The following DYM variants were observed in gnomAD, a reference collection of about 807,000 sequenced individuals.
DYM encodes the protein dymeclin, also known as dyggve-Melchior-Clausen syndrome protein.
In DYM, 78 loss-of-function variants were observed where a neutral mutation model predicts 93.1. That is an observed-to-expected ratio of 0.84 (90% CI 0.70 to 1.01). The LOEUF (loss-of-function observed/expected upper bound fraction) is 1.01, where lower values mean the gene tolerates loss of function less well. Among genes scored for constraint, DYM ranks in the 50% least tolerant of loss-of-function variants. The pLI is 0.00. For synonymous variants in DYM, 321 were observed against 319.7 expected (o/e 1.00, Z -0.04); for missense variants, 789 against 845.0 (o/e 0.93, Z 0.82).
intron 3 of DYM, among the ~76,000 whole-genome samples, chr18:49,380,735 C>A (rs2147720981): frequency 6.6e-6 from 1 of 152,320 alleles, no homozygotes; most frequent in South Asian, 2.1e-4. Context: ...GTAGAACCTT[C>A]CATTTGACTG....
intron 11 of DYM, among the ~76,000 whole-genome samples, chr18:49,265,831 C>T (rs540153341): frequency 7.4e-5 from 11 of 149,204 alleles, no homozygotes; most frequent in Admixed American, 2.7e-4. Flanking sequence ...AAAACAAAAG[C>T]CAGATATATA....
chr18:49,132,572 C>T (rs949654744), intron 15 of DYM, among the ~76,000 whole-genome samples: 36 of 152,018 alleles, frequency 2.4e-4, no homozygotes, highest in Non-Finnish European at 4.1e-4. Context: ...CTTTCTAAAT[C>T]AGAGAAAAAG....
At chr18:49,415,285 A>C (rs1451852369) in intron 2 of DYM, among the ~76,000 whole-genome samples, 1 of 144,760 alleles carries the variant, frequency 6.9e-6, no homozygotes, top group African/African-American at 2.5e-5. Context: ...ACACCACTGC[A>C]CTACAGTCTG....
At chr18:49,083,177 T>C (rs1001040581) in intron 17 of DYM, among the ~76,000 whole-genome samples, 2 of 152,214 alleles carry the variant, frequency 1.3e-5, no homozygotes, top group Admixed American at 1.3e-4. Context: ...GTAGCTGTGT[T>C]CCAAGAAAAC....
At chr18:49,240,850 T>G (rs745516943) in intron 13 of DYM, among the ~76,000 whole-genome samples, 1 of 152,188 alleles carries the variant, frequency 6.6e-6, no homozygotes, top group Non-Finnish European at 1.5e-5. Flanking sequence ...ACAGAAAATA[T>G]CAAAAAGATG....
intron 2 of DYM, among the ~76,000 whole-genome samples, chr18:49,392,681 T>TAA (rs869086187): frequency 2.6e-4 from 18 of 68,502 alleles, no homozygotes; most frequent in African/African-American, 7.3e-4. Flanking sequence ...GGCTTTTATT[T>TAA]AAAAAAAAAA....
chr18:49,396,470 A>C (rs779769798), intron 2 of DYM, among the ~76,000 whole-genome samples: 4 of 152,300 alleles, frequency 2.6e-5, no homozygotes, highest in South Asian at 4.1e-4. Context: ...CCAAAATCCA[A>C]AATAGTACAG....
At chr18:49,262,054 C>G (rs2094498530) in intron 11 of DYM, among the ~76,000 whole-genome samples, 1 of 152,148 alleles carries the variant, frequency 6.6e-6, no homozygotes, top group African/African-American at 2.4e-5. Context: ...TGTGACCTTA[C>G]ATGGATAGAG....
intron 17 of DYM, among the ~76,000 whole-genome samples, chr18:49,091,332 C>T (rs1248097324): frequency 1.3e-5 from 2 of 152,072 alleles, no homozygotes; most frequent in African/African-American, 4.8e-5. Flanking sequence ...AACAAGAAAA[C>T]ATACAGTAGG....
At chr18:49,219,133 C>T (rs944060679) in intron 13 of DYM, among the ~76,000 whole-genome samples, 27 of 152,076 alleles carry the variant, frequency 1.8e-4, no homozygotes, top group East Asian at 5.8e-4. Context: ...AACACCTCTA[C>T]GCAAATAAAC....
chr18:49,182,494 C>T (rs2090022912), intron 14 of DYM, among the ~76,000 whole-genome samples: 1 of 152,070 alleles, frequency 6.6e-6, no homozygotes, highest in Admixed American at 6.6e-5. Flanking sequence ...TATAATAGTC[C>T]TCTTGATACA....
chr18:49,328,129 C>A (rs538682968), intron 8 of DYM, among the ~76,000 whole-genome samples: 1 of 152,228 alleles, frequency 6.6e-6, no homozygotes, highest in African/African-American at 2.4e-5. Context: ...ATAGATGAGC[C>A]TATTATGAGA....
chr18:49,129,238 T>C (rs1195713165), intron 15 of DYM, among the ~76,000 whole-genome samples: 5 of 152,264 alleles, frequency 3.3e-5, no homozygotes, highest in African/African-American at 7.2e-5. Flanking sequence ...CCTCATTTCC[T>C]TCAAATGTAG....
At chr18:49,412,203 T>C (rs1008817346) in intron 2 of DYM, among the ~76,000 whole-genome samples, 1 of 149,606 alleles carries the variant, frequency 6.7e-6, no homozygotes, top group Non-Finnish European at 1.5e-5. Flanking sequence ...TAATACGGTG[T>C]TTATTTTCCC....
At chr18:49,124,124 C>T (rs1490851811) in intron 15 of DYM, among the ~76,000 whole-genome samples, 1 of 152,162 alleles carries the variant, frequency 6.6e-6, no homozygotes, top group Non-Finnish European at 1.5e-5. Flanking sequence ...GGGTGATACA[C>T]CCAACTCCTA....
intron 2 of DYM, among the ~76,000 whole-genome samples, chr18:49,406,704 G>A (rs1032039519): frequency 5.9e-5 from 9 of 152,126 alleles, no homozygotes; most frequent in South Asian, 2.1e-4. Context: ...AAATGCCAGC[G>A]AGGAGGCAGA....
intron 2 of DYM, among the ~76,000 whole-genome samples, chr18:49,414,033 A>C (rs530604194): frequency 2.6e-5 from 4 of 150,984 alleles, no homozygotes; most frequent in Admixed American, 1.3e-4. Flanking sequence ...AGAAAGAAAG[A>C]AAGCATTATG....
chr18:49,248,477 G>A (rs151006101), intron 13 of DYM, among the ~76,000 whole-genome samples: 29 of 152,214 alleles, frequency 1.9e-4, no homozygotes, highest in African/African-American at 7.0e-4. Context: ...TCTCATTCAA[G>A]AGATGAAAAA....
intron 11 of DYM, among the ~76,000 whole-genome samples, chr18:49,259,080 G>A (rs2094449703): frequency 6.6e-6 from 1 of 152,022 alleles, no homozygotes; most frequent in African/African-American, 2.4e-5. Context: ...GTGACTCAAG[G>A]AGAGTCACTG....
Sources: gnomAD v4.1 joint callset for allele counts (sites outside exome capture counted in the v4.1 genomes callset) on GRCh38, gnomAD v4.1.1 for gene constraint, MANE v1.5 for transcripts, NCBI Gene and HGNC (gene_info 2026-07-23, HGNC 2026-07-21) for gene names.